Variants in ITCH observed in about 807,000 individuals in gnomAD.
The protein encoded by ITCH is E3 ubiquitin-protein ligase Itchy homolog.
Under a neutral mutation model 126.8 loss-of-function variants are expected in ITCH, and 28 were observed. That is an observed-to-expected ratio of 0.22 (90% CI 0.16 to 0.30). The LOEUF is 0.30. ITCH is among the 10% of genes least tolerant of loss of function. The pLI is 1.00. For missense variants in ITCH, 631 were observed against 1,032.4 expected (o/e 0.61, Z 5.33); for synonymous variants, 342 against 340.0 (o/e 1.01, Z -0.06).
chr20:34,418,570 T>G (rs1219846722), intron 6 of ITCH, among the ~76,000 whole-genome samples: 1 of 152,120 alleles, frequency 6.6e-6, no homozygotes, highest in African/African-American at 2.4e-5. Context: ...TACCAAATAT[T>G]ATTTGAAGTT....
intron 19 of ITCH, 48 bp downstream of exon 19, chr20:34,480,780 T>C (rs1220853559): frequency 7.1e-7 from 1 of 1,412,474 alleles, no homozygotes; most frequent in African/African-American, 1.4e-5. Flanking sequence ...TTATATGCAT[T>C]CCGTGTAGTA....
intron 3 of ITCH, among the ~76,000 whole-genome samples, chr20:34,408,264 A>T (rs1294825034): frequency 6.6e-6 from 1 of 152,080 alleles, no homozygotes; most frequent in Non-Finnish European, 1.5e-5. Context: ...AGGCGAGATG[A>T]GGTCTCGCTA....
rs1198002110 is a variant in ITCH at position 34,507,617 on chromosome 20, G to A, written c.2490-78G>A. 4.7e-6 allele frequency: 5 copies of A among 1,060,618 alleles called. No individual in the cohort carries two copies. In the East Asian group the frequency reaches 7.4e-5, roughly 16 times the overall value. 65.7% of individuals were successfully genotyped at this position (1,060,618 alleles called of 1,614,324 possible). On this transcript the variant is annotated intron_variant, in intron 24 of 24. Coordinates refer to ENST00000374864, the MANE Select transcript of ITCH (RefSeq NM_031483.7). ...TATATTTTTGTGCTTCTATAGTAGTGTATAAAGTAGTATACTACACTACTC... is the reference window on the plus strand; with the variant it reads ...TATATTTTTGTGCTTCTATAGTAGTATATAAAGTAGTATACTACACTACTC...
At position 34,508,108 on chromosome 20, in the gene ITCH, G is replaced by T; in HGVS notation, c.*314G>T. ...TATGTGTGTCAAAAGTCTCACTTGG[G>T]AGTAGTGTTTTTTTCTTTTAGACAT... On this transcript the variant is annotated 3_prime_UTR_variant, in exon 25 of 25. Coordinates refer to ENST00000374864, the MANE Select transcript of ITCH (RefSeq NM_031483.7). 1 of 340,250 alleles carries T rather than the reference G, an allele frequency of 2.9e-6. No individual in the cohort carries two copies. The highest frequency in any genetic ancestry group is 4.2e-5 in the Admixed American group (1 of 23,714). The allele number at this position is 340,250 out of a possible 1,614,324, so 21.1% of individuals were successfully genotyped here. A position where few individuals can be genotyped will look rare whatever the true frequency, so the allele number is the denominator to read the frequency against.
In ITCH at chr20:34,489,927, G is replaced by C; in HGVS notation, c.2319+1G>C. 1 of 1,611,250 alleles carries C rather than the reference G, an allele frequency of 6.2e-7. No individual in the cohort carries two copies. Among genetic ancestry groups the C allele is most frequent in the Non-Finnish European group, 8.5e-7 (1 of 1,177,698 alleles). On this transcript the variant is annotated splice_donor_variant, in intron 22 of 24. Transcript: ENST00000374864. LOFTEE classifies it high-confidence loss of function. ...CAAACAAATCATGTGGTTTTGGCAG[G>C]TTTGTTTTTAAATTTATTTCTATTA...
chr20:34,381,915 ATT>A (rs1442467368), intron 2 of ITCH, among the ~76,000 whole-genome samples: 1 of 152,016 alleles, frequency 6.6e-6, no homozygotes, highest in East Asian at 1.9e-4. Flanking sequence ...CAATTTCTCA[ATT>A]GTTTTCTTTA....
At chr20:34,419,572 G>C (rs968742067) in intron 6 of ITCH, among the ~76,000 whole-genome samples, 13 of 151,330 alleles carry the variant, frequency 8.6e-5, no homozygotes, top group Non-Finnish European at 1.5e-4. Context: ...ACCTCCTTCC[G>C]GGTTCAGGCA....
intron 23 of ITCH, 30 bp downstream of exon 23, chr20:34,492,627 A>G (rs779396975): frequency 1.4e-6 from 2 of 1,409,846 alleles, no homozygotes; most frequent in South Asian, 2.3e-5. Context: ...TTTCCTATAC[A>G]GAAAATTGTT....
At chr20:34,424,424 A>C in intron 6 of ITCH, 56 bp from the exon 7 acceptor site, 1 of 1,395,754 alleles carries the variant, frequency 7.2e-7, no homozygotes, top group Non-Finnish European at 1.0e-6. Flanking sequence ...AGAAAAGAAA[A>C]AACATGAAAA....
At chr20:34,394,967 C>G (rs573873782) in intron 3 of ITCH, among the ~76,000 whole-genome samples, 58 of 152,178 alleles carry the variant, frequency 3.8e-4, no homozygotes. Flanking sequence ...CACGGTGGCT[C>G]ACACCTGTAA....
intron 16 of ITCH, among the ~76,000 whole-genome samples, chr20:34,473,447 A>G (rs1987838211): frequency 6.6e-6 from 1 of 152,090 alleles, no homozygotes; most frequent in Non-Finnish European, 1.5e-5. Flanking sequence ...CTCACCCTGG[A>G]GCCCCATCCT....
At chr20:34,405,202 T>TG (rs1434451164) in intron 3 of ITCH, among the ~76,000 whole-genome samples, 1 of 150,326 alleles carries the variant, frequency 6.7e-6, no homozygotes, top group Non-Finnish European at 1.5e-5. Context: ...GTAGCAAAAT[T>TG]GCTTTCACAA....
At chr20:34,398,329 C>G (rs770383983) in intron 3 of ITCH, among the ~76,000 whole-genome samples, 2 of 152,004 alleles carry the variant, frequency 1.3e-5, no homozygotes, top group Non-Finnish European at 2.9e-5. Flanking sequence ...TCCTAAATTG[C>G]TTGTATTAGA....
chr20:34,468,350 G>GA (rs374151227), intron 14 of ITCH, among the ~76,000 whole-genome samples: 13 of 145,568 alleles, frequency 8.9e-5, no homozygotes, highest in Non-Finnish European at 1.1e-4. Context: ...ATTTTTATTG[G>GA]AAAAAAAAAA....
intron 1 of ITCH, among the ~76,000 whole-genome samples, chr20:34,367,800 T>C (rs1341026946): frequency 3.9e-5 from 6 of 152,200 alleles, no homozygotes; most frequent in African/African-American, 1.2e-4. Context: ...TTTGCAACTC[T>C]GGGACTGGTA....
intron 3 of ITCH, among the ~76,000 whole-genome samples, chr20:34,394,169 G>A (rs182252254): frequency 9.8e-5 from 13 of 133,110 alleles, no homozygotes; most frequent in Non-Finnish European, 1.7e-4. Flanking sequence ...CTGAGTTTGC[G>A]CCACTGCACC....
rs1469508327 is a variant in ITCH, at chr20:34,424,541, T to C, written c.521+16T>C. 1 of 1,594,682 alleles carries C rather than the reference T, an allele frequency of 6.3e-7. No homozygotes were observed. The highest frequency in any genetic ancestry group is 2.2e-5 in the East Asian group (1 of 44,812). ...ATGAAACAAGGTAAGCATTCACTGA[T>C]TGCTTACCACAGAATGCGGAGAGAT... On this transcript the variant is annotated intron_variant, in intron 7 of 24. Transcript: ENST00000374864.
intron 2 of ITCH, among the ~76,000 whole-genome samples, chr20:34,386,679 G>C (rs946954001): frequency 1.3e-5 from 2 of 152,148 alleles, no homozygotes; most frequent in Non-Finnish European, 2.9e-5. Context: ...AGTCACAATA[G>C]ATGTGGCCTG....
chr20:34,459,759 T>C (rs1312180176), intron 13 of ITCH, among the ~76,000 whole-genome samples: 1 of 152,002 alleles, frequency 6.6e-6, no homozygotes, highest in African/African-American at 2.4e-5. Flanking sequence ...TAAAAATAAA[T>C]AAAAAAAGAT....
Sources: allele counts gnomAD v4.1 joint callset (sites outside exome capture counted in the v4.1 genomes callset), GRCh38; gene constraint gnomAD v4.1.1; transcripts MANE v1.5; gene names NCBI Gene and HGNC (gene_info 2026-07-23, HGNC 2026-07-21).